MYO9A: variants seen among roughly 807,000 people sequenced by gnomAD.
MYO9A encodes the protein unconventional myosin-IXa.
Under a neutral mutation model 293.3 loss-of-function variants are expected in MYO9A, and 103 were observed. The observed-to-expected ratio is 0.35, with a 90% CI of 0.30 to 0.41. The LOEUF (loss-of-function observed/expected upper bound fraction) is 0.41. MYO9A is among the 10% of genes least tolerant of loss of function. The pLI, the probability that MYO9A is intolerant of heterozygous loss-of-function variation, is 1.00. For synonymous variants in MYO9A, 1,001 were observed against 1,035.7 expected (o/e 0.97, Z 0.64); for missense variants, 2,685 against 3,033.0 (o/e 0.89, Z 2.69).
chr15:72,082,792 GGTTT>G (rs2079590554), intron 1 of MYO9A, among the ~76,000 whole-genome samples: 3 of 151,146 alleles, frequency 2.0e-5, no homozygotes, highest in African/African-American at 7.3e-5. Context: ...ATAATCATGT[GGTTT>G]TTTTAGTTGT....
chr15:71,943,424 A>T (rs901094473), intron 15 of MYO9A, among the ~76,000 whole-genome samples: 2 of 152,052 alleles, frequency 1.3e-5, no homozygotes, highest in Admixed American at 1.3e-4. Flanking sequence ...AGTAATTCTG[A>T]TCATATACAA....
chr15:72,026,290 AAAAAAAG>A (rs2077669831), intron 4 of MYO9A, among the ~76,000 whole-genome samples: 2 of 145,610 alleles, frequency 1.4e-5, no homozygotes, highest in Admixed American at 7.0e-5. Flanking sequence ...AAAAAAAAAA[AAAAAAAG>A]AAAGAAAAGA....
Position 72,053,107 on chromosome 15 carries a change from A to C in MYO9A, c.-71-6473T>G, listed in dbSNP as rs531803535. Among the ~76,000 whole-genome samples, 7 of 152,258 alleles carry C rather than the reference A, an allele frequency of 4.6e-5. No homozygotes were observed. In the South Asian group the frequency reaches 1.5e-3, roughly 32 times the overall value. On this transcript the variant is annotated intron_variant, in intron 1 of 41. Transcript: ENST00000356056. ...TGTTCTAGGGTAGCCACTAAAAAAG[A>C]CTTTTTTTTAGGCTGGGCCTGGTGG...
chr15:72,103,895 G>A (rs1021261698), intron 1 of MYO9A, among the ~76,000 whole-genome samples: 2 of 152,214 alleles, frequency 1.3e-5, no homozygotes, highest in African/African-American at 4.8e-5. Context: ...TGGTGAGGTT[G>A]GAGGGAAGCA....
At chr15:71,840,368 A>G (rs1289326771) in intron 39 of MYO9A, among the ~76,000 whole-genome samples, 1 of 152,214 alleles carries the variant, frequency 6.6e-6, no homozygotes, top group Admixed American at 6.5e-5. Flanking sequence ...AAGGGCTCCC[A>G]CACGAGGATG....
chr15:71,888,073 T>G lies in MYO9A; in HGVS notation c.5186A>C (p.His1729Pro). ...FSSVDEQAKLHKTMSQGEITK... is the reference protein window; with the variant it reads ...FSSVDEQAKLPKTMSQGEITK... ...AATCTCTCCTTGAGACATAGTCTTA[T>G]GAAGTTTTGCTTGTTCATCAACTGA... Residue 1729 changes from histidine (H) to proline (P), a missense_variant, in exon 27 of 42, where the codon CAT becomes CCT. By Grantham distance (77) the His-to-Pro change is moderately conservative. Coordinates refer to ENST00000356056, the MANE Select transcript of MYO9A (RefSeq NM_006901.4). 2 of 1,611,076 alleles carry G rather than the reference T, an allele frequency of 1.2e-6. No individual in the cohort carries two copies. Among genetic ancestry groups the G allele is most frequent in the Non-Finnish European group, 1.7e-6 (2 of 1,178,510 alleles).
intron 41 of MYO9A, 149 bp downstream of exon 41, chr15:71,827,732 AATT>A: frequency 2.4e-6 from 2 of 834,894 alleles, no homozygotes; most frequent in Non-Finnish European, 3.6e-6. Flanking sequence ...TGAAGGCTAA[AATT>A]ATATGGATAA....
chr15:72,006,960 T>C (rs954553845), intron 8 of MYO9A, among the ~76,000 whole-genome samples: 1 of 152,054 alleles, frequency 6.6e-6, no homozygotes, highest in South Asian at 2.1e-4. Context: ...AATAAGTAAA[T>C]GGATGGCAGA....
At chr15:72,071,970 T>G (rs1294442333) in intron 1 of MYO9A, among the ~76,000 whole-genome samples, 2 of 144,702 alleles carry the variant, frequency 1.4e-5, no homozygotes, top group Non-Finnish European at 3.0e-5. Context: ...TTCGGAAGGC[T>G]GGGGTGGGAG....
intron 2 of MYO9A, among the ~76,000 whole-genome samples, chr15:72,040,420 C>A (rs1368748041): frequency 6.6e-6 from 1 of 152,156 alleles, no homozygotes; most frequent in Non-Finnish European, 1.5e-5. Context: ...GGGGAGGAGC[C>A]TGGCCTCTCC....
At chr15:72,007,736 CATT>C in intron 8 of MYO9A, 87 bp downstream of exon 8, 1 of 1,252,200 alleles carries the variant, frequency 8.0e-7, no homozygotes, top group Non-Finnish European at 1.1e-6. Context: ...TAACAGAAAG[CATT>C]AACCCGTTTA....
At chr15:72,106,466 A>G (rs1017555648) in intron 1 of MYO9A, among the ~76,000 whole-genome samples, 1 of 152,220 alleles carries the variant, frequency 6.6e-6, no homozygotes, top group African/African-American at 2.4e-5. Flanking sequence ...CACTTGCTCT[A>G]TCACTCCAGC....
chr15:72,066,400 C>A (rs530001860), intron 1 of MYO9A, among the ~76,000 whole-genome samples: 1 of 151,024 alleles, frequency 6.6e-6, no homozygotes, highest in Admixed American at 6.6e-5. Flanking sequence ...GCAGGGGAAT[C>A]GCTTGAACCC....
intron 5 of MYO9A, 95 bp downstream of exon 5, chr15:72,020,823 T>A (rs1429463726): frequency 1.5e-6 from 1 of 648,020 alleles, no homozygotes; most frequent in South Asian, 3.8e-5. Flanking sequence ...AGCTAATCCA[T>A]TCCTAGGTTT....
At chr15:71,944,655 A>T (rs1042590261) in intron 15 of MYO9A, among the ~76,000 whole-genome samples, 15 of 152,120 alleles carry the variant, frequency 9.9e-5, no homozygotes, top group Admixed American at 6.6e-5. Flanking sequence ...AAATCAACTG[A>T]CTGTGTATGT....
chr15:71,885,250 T>C (rs1401543256), intron 27 of MYO9A, among the ~76,000 whole-genome samples: 2 of 152,128 alleles, frequency 1.3e-5, no homozygotes, highest in Non-Finnish European at 2.9e-5. Flanking sequence ...ACTGTAATTT[T>C]AGTTAGATCA....
intron 1 of MYO9A, among the ~76,000 whole-genome samples, chr15:72,072,538 A>C (rs570923628): frequency 7.4e-4 from 112 of 152,222 alleles, no homozygotes; most frequent in Non-Finnish European, 1.5e-3. Flanking sequence ...AGTAAAGAAA[A>C]TGTGATACAT....
rs2080038267 is a variant in MYO9A at position 72,095,565 on chromosome 15, T to G, written c.-72+22115A>C. 2.1e-5 allele frequency among the ~76,000 whole-genome samples: 2 copies of G among 93,090 alleles called. 1 individual carries two copies. The highest frequency in any genetic ancestry group is 5.1e-5 in the African/African-American group (2 of 39,184). The allele number at this position is 93,090 out of a possible 152,430, so 61.1% of individuals were successfully genotyped here. On this transcript the variant is annotated intron_variant, in intron 1 of 41. Transcript: ENST00000356056. ...ATCCAGAAGATCCAGCTAAGATAAT[T>G]GATGAAGGTGGCTACACTAAACAAC... is the stretch of plus-strand genomic sequence containing the variant.
intron 18 of MYO9A, among the ~76,000 whole-genome samples, chr15:71,929,226 A>G (rs2058411390): frequency 6.6e-6 from 1 of 152,176 alleles, no homozygotes. Flanking sequence ...TATGTTGTTG[A>G]CAACCACAAT....
Sources: gnomAD v4.1 joint callset for allele counts (sites outside exome capture counted in the v4.1 genomes callset) on GRCh38, gnomAD v4.1.1 for gene constraint, MANE v1.5 for transcripts, NCBI Gene and HGNC (gene_info 2026-07-23, HGNC 2026-07-21) for gene names.